Variants in RLF observed in about 807,000 individuals in gnomAD.
RLF encodes zinc finger protein Rlf.
In RLF, 7 loss-of-function variants were observed where a neutral mutation model predicts 162.9. That is an observed-to-expected ratio of 0.04 (90% CI 0.02 to 0.08). The LOEUF is 0.08. Ranked by LOEUF, RLF falls within the 10% of genes least tolerant of loss-of-function variation. RLF has a pLI of 1.00. For synonymous variants in RLF, 782 were observed against 791.5 expected, an observed-to-expected ratio of 0.99 and a Z score of 0.20; for missense variants, 1,664 against 2,244.7, an observed-to-expected ratio of 0.74 and a Z score of 5.23.
At chr1:40,209,946 G>A (rs1391295244) in intron 5 of RLF, among the ~76,000 whole-genome samples, 3 of 151,734 alleles carry the variant, frequency 2.0e-5, no homozygotes, top group Admixed American at 2.0e-4. Flanking sequence ...TTTATTTGCA[G>A]TATCAGGTAG....
intron 4 of RLF, among the ~76,000 whole-genome samples, chr1:40,199,405 A>C (rs1185235257): frequency 6.6e-6 from 1 of 152,226 alleles, no homozygotes; most frequent in East Asian, 1.9e-4. Flanking sequence ...GGTGAGTCTT[A>C]TCTGCATTTC....
At chr1:40,173,091 T>TTTTTGG (rs1642269173) in intron 1 of RLF, among the ~76,000 whole-genome samples, 1 of 146,108 alleles carries the variant, frequency 6.8e-6, no homozygotes, top group Non-Finnish European at 1.5e-5. Context: ...TTTTTTTTTT[T>TTTTTGG]GTGAGGCAGA....
At position 40,239,926 on chromosome 1, in the gene RLF, C is replaced by G. The variant is rs758246290; in HGVS notation, c.5224C>G (p.Pro1742Ala). 1 of 1,613,596 alleles carries G rather than the reference C, an allele frequency of 6.2e-7. No individual in the cohort carries two copies. Among genetic ancestry groups the G allele is most frequent in the East Asian group, 2.2e-5 (1 of 44,880 alleles). Reference protein sequence around the residue: ...SSGQENTVKNPTHVPKENFRK... With the variant: ...SSGQENTVKNATHVPKENFRK... ...AGGGCAAGAAAACACTGTAAAAAAT[C>G]CAACCCATGTCCCAAAAGAGAATTT... The change falls in exon 8 of 8, where the codon CCA (proline) becomes GCA (alanine). Residue 1742 changes from proline (P) to alanine (A), a missense_variant. By Grantham distance (27) the Pro-to-Ala change is conservative. Transcript: ENST00000372771.
chr1:40,204,837 A>G (rs960787565), intron 5 of RLF, among the ~76,000 whole-genome samples: 1 of 152,172 alleles, frequency 6.6e-6, no homozygotes, highest in Non-Finnish European at 1.5e-5. Context: ...TCTGTTGCTG[A>G]ACTTAACTCC....
chr1:40,183,152 A>G (rs1049000621), intron 1 of RLF, among the ~76,000 whole-genome samples: 1 of 152,102 alleles, frequency 6.6e-6, no homozygotes, highest in African/African-American at 2.4e-5. Context: ...TTTTGCTCGT[A>G]CTTCAGAGAT....
intron 1 of RLF, among the ~76,000 whole-genome samples, chr1:40,177,599 T>C (rs1250727510): frequency 6.6e-6 from 1 of 152,160 alleles, no homozygotes; most frequent in African/African-American, 2.4e-5. Flanking sequence ...GCCAACAGTG[T>C]ATTTCTAAGA....
intron 7 of RLF, among the ~76,000 whole-genome samples, chr1:40,233,326 T>G (rs1643176477): frequency 2.0e-5 from 3 of 152,216 alleles, no homozygotes; most frequent in African/African-American, 7.2e-5. Flanking sequence ...TACTTTTCTT[T>G]GAAAAATGTT....
At position 40,238,578 on chromosome 1, in the gene RLF, A is replaced by T; in HGVS notation, c.3876A>T (p.Arg1292=). The T allele has an allele frequency of 6.2e-7, 1 of 1,613,806 alleles. No individual in the cohort carries two copies. The highest frequency in any genetic ancestry group is 2.2e-5 in the East Asian group (1 of 44,876). The change falls in exon 8 of 8, where the codon CGA becomes CGT. Residue 1292 remains arginine (R), a synonymous_variant. Transcript: ENST00000372771. The surrounding 1 kb of genome is among the most constrained non-coding windows in gnomAD (Gnocchi z 5.2). Reference sequence around the variant, plus strand: ...GAAGAGAGGGCAGAGGTAGCAGGCGAACTGTTGCTAAAGGAAATCTGTGTT... The same window carrying T: ...GAAGAGAGGGCAGAGGTAGCAGGCGTACTGTTGCTAAAGGAAATCTGTGTT... The part of the protein sequence containing the change: ...QEGREGRGSR[R]TVAKGNLCYI...
chr1:40,237,407 A>G lies in RLF; in HGVS notation c.2705A>G (p.His902Arg). The change falls in exon 8 of 8, where the codon CAT becomes CGT. Residue 902 changes from histidine to arginine, a missense_variant. Physicochemically the swap from His to Arg is conservative, Grantham distance 29 (BLOSUM62 0). Around this residue, in one of 15 missense-constraint regions of RLF, gnomAD observed 295 missense variants for 317.4 expected, o/e 0.93. Coordinates refer to ENST00000372771, the MANE Select transcript of RLF (RefSeq NM_012421.4). This position sits in a 1 kb window ranked among gnomAD's most constrained non-coding sequence, Gnocchi z 4.4. ...SDSNSSDQLS[H>R]SSSASMNEEL... ...AGTAATTCTAGTGATCAGTTAAGTC[A>G]TAGCTCTTCAGCTTCAATGAATGAA... 6.2e-7 allele frequency: 1 copy of G among 1,614,104 alleles called. No individual in the cohort carries two copies.
At chr1:40,180,805 A>C (rs1388263307) in intron 1 of RLF, among the ~76,000 whole-genome samples, 1 of 152,336 alleles carries the variant, frequency 6.6e-6, no homozygotes, top group South Asian at 2.1e-4. Flanking sequence ...ATCAACAGAT[A>C]TAAGATTTGC....
At chr1:40,182,601 T>C (rs983132695) in intron 1 of RLF, among the ~76,000 whole-genome samples, 1 of 152,186 alleles carries the variant, frequency 6.6e-6, no homozygotes, top group African/African-American at 2.4e-5. Flanking sequence ...AAAGGCATTT[T>C]TGAAAATTGA....
At chr1:40,205,468 G>A (rs1009434350) in intron 5 of RLF, among the ~76,000 whole-genome samples, 2 of 146,532 alleles carry the variant, frequency 1.4e-5, no homozygotes, top group South Asian at 2.2e-4. Flanking sequence ...ATTTACTATC[G>A]AACATTTTCC....
At position 40,209,408 on chromosome 1, in the gene RLF, A is replaced by G. The variant is rs559409080; in HGVS notation, c.810+6794A>G. ...AAGCACTTAACACAGTTCTTGGCAT[A>G]TTTTAGACACCTTACAAACATAGAC... On this transcript the variant is annotated intron_variant, in intron 5 of 7. Coordinates refer to ENST00000372771, the MANE Select transcript of RLF (RefSeq NM_012421.4). Among the ~76,000 whole-genome samples the G allele has an allele frequency of 4.6e-5, 7 of 152,354 alleles. No individual in the cohort carries two copies. The South Asian group carries it at 1.4e-3, about 32-fold the overall frequency.
At chr1:40,210,811 T>C (rs560532083) in intron 5 of RLF, among the ~76,000 whole-genome samples, 2 of 152,282 alleles carry the variant, frequency 1.3e-5, no homozygotes, top group Admixed American at 6.5e-5. Context: ...CTGCTGCTAA[T>C]TAGAAGAAAG....
chr1:40,226,898 C>T (rs1643085731), intron 6 of RLF, among the ~76,000 whole-genome samples: 1 of 152,096 alleles, frequency 6.6e-6, no homozygotes, highest in African/African-American at 2.4e-5. Context: ...GAGTTTTGCT[C>T]TTGTCACCCA....
intron 1 of RLF, among the ~76,000 whole-genome samples, chr1:40,170,367 G>T (rs1045049871): frequency 1.3e-5 from 2 of 152,042 alleles, no homozygotes; most frequent in Non-Finnish European, 2.9e-5. Context: ...GGCTTAGGCA[G>T]TTGTCCCAAC....
chr1:40,207,543 A>C (rs950082992), intron 5 of RLF, among the ~76,000 whole-genome samples: 1 of 152,154 alleles, frequency 6.6e-6, no homozygotes, highest in Non-Finnish European at 1.5e-5. Flanking sequence ...AGTTATTTCA[A>C]ATGGCTAAGA....
chr1:40,190,716 A>G, intron 2 of RLF, 56 bp from the exon 3 acceptor site: 1 of 1,102,434 alleles, frequency 9.1e-7, no homozygotes, highest in Non-Finnish European at 1.4e-6. Context: ...TTGCTGTCAT[A>G]CTCTACTTAA....
Position 40,161,918 on chromosome 1 carries a change from G to A in RLF, c.237+282G>A, listed in dbSNP as rs1490969424. ...GCTGTGCCCTGTCGCCGTTGCCTGT[G>A]TCCTGGCCGGGTGGTTGGAGCGCCA... is the stretch of plus-strand genomic sequence containing the variant. On this transcript the variant is annotated intron_variant, in intron 1 of 7. Coordinates refer to ENST00000372771, the MANE Select transcript of RLF (RefSeq NM_012421.4). The surrounding 1 kb of genome is among the most constrained non-coding windows in gnomAD (Gnocchi z 4.4). Among the ~76,000 whole-genome samples, 1 of 152,250 alleles carries A rather than the reference G, an allele frequency of 6.6e-6. No homozygotes were observed. The highest frequency in any genetic ancestry group is 2.4e-5 in the African/African-American group (1 of 41,464).
Sources: gnomAD v4.1 joint callset for allele counts (sites outside exome capture counted in the v4.1 genomes callset) on GRCh38, gnomAD v4.1.1 for gene constraint, gnomAD v4.1.1 regional missense constraint, Gnocchi (gnomAD v3.1) non-coding constraint, MANE v1.5 for transcripts, NCBI Gene and HGNC (gene_info 2026-07-23, HGNC 2026-07-21) for gene names.